NEBL: variants seen among roughly 807,000 people sequenced by gnomAD.
NEBL encodes the protein nebulette, also known as LIM and SH3 protein 2.
A neutral mutation model predicts 140.2 loss-of-function variants in NEBL; 122 were observed. The observed-to-expected ratio is 0.87, with a 90% CI of 0.75 to 1.01. The LOEUF is 1.01. Among genes scored for constraint, NEBL ranks in the 50% least tolerant of loss-of-function variants. The pLI, the probability that NEBL is intolerant of heterozygous loss-of-function variation, is 0.00. For synonymous variants in NEBL, 436 were observed against 398.9 expected (o/e 1.09, Z -1.11); for missense variants, 1,365 against 1,231.3 (o/e 1.11, Z -1.62).
chr10:21,092,903 T>C (rs1352312866), intron 2 of NEBL, among the ~76,000 whole-genome samples: 1 of 152,050 alleles, frequency 6.6e-6, no homozygotes, highest in Non-Finnish European at 1.5e-5. Flanking sequence ...AAGCAACTTG[T>C]GAAATTATAT....
intron 3 of NEBL, among the ~76,000 whole-genome samples, chr10:21,015,167 T>A (rs1003109901): frequency 6.6e-6 from 1 of 152,068 alleles, no homozygotes; most frequent in African/African-American, 2.4e-5. Flanking sequence ...TAAGCAGCCT[T>A]TTTCAAAACC....
chr10:20,905,929 T>C (rs73607548), intron 4 of NEBL, among the ~76,000 whole-genome samples: 56 of 152,298 alleles, frequency 3.7e-4, no homozygotes, highest in African/African-American at 1.3e-3. Flanking sequence ...TAACAATTCC[T>C]AGTCAATTAA....
At chr10:21,228,492 C>A (rs1205092090) in intron 3 of NEBL, among the ~76,000 whole-genome samples, 2 of 152,002 alleles carry the variant, frequency 1.3e-5, no homozygotes, top group Non-Finnish European at 2.9e-5. Flanking sequence ...TTGAATTGGC[C>A]AGGGACAATT....
At chr10:20,826,597 C>A (rs1839898339) in intron 17 of NEBL, 58 bp from the exon 18 acceptor site, 1 of 1,307,990 alleles carries the variant, frequency 7.6e-7, no homozygotes, top group South Asian at 1.2e-5. Flanking sequence ...AGTCCTAGAT[C>A]CGCTTCTTAG....
chr10:21,252,879 C>T (rs1215091790), intron 1 of NEBL, among the ~76,000 whole-genome samples: 1 of 152,030 alleles, frequency 6.6e-6, no homozygotes, highest in Non-Finnish European at 1.5e-5. Flanking sequence ...CACTTGAACC[C>T]GGGAGGTGAA....
At chr10:21,291,011 A>C (rs1322482465) in intron 1 of NEBL, among the ~76,000 whole-genome samples, 1 of 152,158 alleles carries the variant, frequency 6.6e-6, no homozygotes, top group Non-Finnish European at 1.5e-5. Flanking sequence ...CGCTACACCC[A>C]CACCAGATGC....
chr10:20,946,102 G>A (rs1265065532), intron 4 of NEBL, among the ~76,000 whole-genome samples: 1 of 152,112 alleles, frequency 6.6e-6, no homozygotes, highest in Non-Finnish European at 1.5e-5. Context: ...ATCTATGTAC[G>A]AACAGGGATG....
intron 26 of NEBL, among the ~76,000 whole-genome samples, chr10:20,789,007 T>C (rs929808404): frequency 1.3e-5 from 2 of 152,154 alleles, no homozygotes; most frequent in Non-Finnish European, 2.9e-5. Flanking sequence ...GTAACAATAA[T>C]TATTACTGTC....
chr10:20,921,153 G>C (rs1178772977), intron 4 of NEBL, among the ~76,000 whole-genome samples: 1 of 152,162 alleles, frequency 6.6e-6, no homozygotes, highest in Non-Finnish European at 1.5e-5. Flanking sequence ...AACAAATGCT[G>C]ATATTTTATT....
chr10:21,232,174 G>A (rs1842274298), intron 3 of NEBL, among the ~76,000 whole-genome samples: 1 of 151,944 alleles, frequency 6.6e-6, no homozygotes, highest in South Asian at 2.1e-4. Flanking sequence ...GCCAGCAGGA[G>A]GAGGCAAGAA....
intron 5 of NEBL, among the ~76,000 whole-genome samples, chr10:20,875,290 T>A (rs561399790): frequency 6.6e-6 from 1 of 152,318 alleles, no homozygotes; most frequent in South Asian, 2.1e-4. Context: ...TGCCCGGCTA[T>A]CCTTTTCTGC....
intron 4 of NEBL, among the ~76,000 whole-genome samples, chr10:20,949,743 T>C (rs1367415336): frequency 1.3e-5 from 2 of 152,210 alleles, no homozygotes; most frequent in Non-Finnish European, 2.9e-5. Context: ...TGTGTTTTGT[T>C]TTTTTTCTGC....
At chr10:20,859,305 AAAT>A (rs1406136762) in intron 8 of NEBL, among the ~76,000 whole-genome samples, 9 of 152,010 alleles carry the variant, frequency 5.9e-5, no homozygotes, top group African/African-American at 1.9e-4. Flanking sequence ...CATTACAGTA[AAAT>A]TTCTAAAAAT....
intron 12 of NEBL, chr10:20,841,538 C>G (rs1481634840): frequency 6.6e-6 from 1 of 152,132 alleles, no homozygotes; most frequent in Non-Finnish European, 1.5e-5. Flanking sequence ...ATCTATGGCT[C>G]AACATTCATG....
chr10:20,844,634 G>C (rs1490106398), intron 12 of NEBL, among the ~76,000 whole-genome samples: 1 of 151,620 alleles, frequency 6.6e-6, no homozygotes, highest in Non-Finnish European at 1.5e-5. Flanking sequence ...TGTTTTTGGG[G>C]AAATTTTTGC....
At chr10:21,134,634 G>A (rs1214620490) in intron 2 of NEBL, among the ~76,000 whole-genome samples, 1 of 152,200 alleles carries the variant, frequency 6.6e-6, no homozygotes, top group Non-Finnish European at 1.5e-5. Flanking sequence ...CAGTTAGAAA[G>A]CTTCTAGAAC....
intron 3 of NEBL, among the ~76,000 whole-genome samples, chr10:20,970,148 T>A (rs73607564): frequency 0.011 from 1,711 of 152,272 alleles, 35 homozygotes; most frequent in African/African-American, 0.04. Context: ...CCAAGCATAG[T>A]AATGAGTGTT....
At chr10:21,137,999 T>G (rs111243967) in intron 2 of NEBL, among the ~76,000 whole-genome samples, 9 of 150,614 alleles carry the variant, frequency 6.0e-5, no homozygotes, top group African/African-American at 1.7e-4. Context: ...TGGAAGTGGA[T>G]GGAGAGGAGC....
chr10:21,095,864 C>T lies in NEBL; in HGVS notation c.165-75663G>A, dbSNP rs114404725. Among the ~76,000 whole-genome samples the T allele has an allele frequency of 6.8e-3, 1,032 of 152,236 alleles. 11 individuals carry two copies. Among genetic ancestry groups the T allele is most frequent in the African/African-American group, 0.023 (947 of 41,540 alleles). ...CCTCTTAGTACTGTTCAAAAGATGA[C>T]GGAACTAGAATGTAAGAAAACCTGG... On this transcript the variant is annotated intron_variant, in intron 2 of 6. Transcript: ENST00000417816.
Sources: gnomAD v4.1 joint callset for allele counts (sites outside exome capture counted in the v4.1 genomes callset) on GRCh38, gnomAD v4.1.1 for gene constraint, MANE v1.5 for transcripts, NCBI Gene and HGNC (gene_info 2026-07-23, HGNC 2026-07-21) for gene names.